CCDC18: variants seen among roughly 807,000 people sequenced by gnomAD.
The protein encoded by CCDC18 is coiled-coil domain-containing protein 18.
CCDC18 carries 157 observed loss-of-function variants against 196.0 expected under a neutral mutation model. The observed-to-expected ratio is 0.80, with a 90% confidence interval of 0.70 to 0.91. The LOEUF (loss-of-function observed/expected upper bound fraction) is 0.91. Among genes scored for constraint, CCDC18 ranks in the 40% least tolerant of loss-of-function variants. CCDC18 has a pLI of 0.00. For missense variants in CCDC18, 1,465 were observed against 1,611.6 expected (o/e 0.91, Z 1.56); for synonymous variants, 482 against 529.2 (o/e 0.91, Z 1.22).
rs529900348 is a variant in CCDC18 at position 93,269,114 on chromosome 1, A to G, written c.3886-1233A>G. Among the ~76,000 whole-genome samples, 12 of 152,274 alleles carry G rather than the reference A, an allele frequency of 7.9e-5. No homozygotes were observed. The East Asian group carries it at 1.5e-3, about 20-fold the overall frequency. On this transcript the variant is annotated intron_variant, in intron 27 of 28. Transcript: ENST00000690025. ...TGCAGCCATAAAAAAGGATGAGTTC[A>G]TGTCCTTTGTAGGGACATGGATAAA...
In CCDC18 at chr1:93,258,073, TAATTAAATTAATTAA is replaced by T. The variant is rs1426408403; in HGVS notation, c.3547-662_3547-648del. On this transcript the variant is annotated intron_variant, in intron 25 of 28. Transcript: ENST00000690025. ...TAAAAGACATTAATTAAAATTAAAA[TAATTAAATTAATTAA>T]AATTAAATTAATAAAAATTAATTAA... Among the ~76,000 whole-genome samples the T allele has an allele frequency of 6.7e-5, 10 of 150,058 alleles. No individual in the cohort carries two copies. The East Asian group carries it at 1.7e-3, about 26-fold the overall frequency.
At position 93,217,822 on chromosome 1, in the gene CCDC18, A is replaced by G. The variant is rs201970938; in HGVS notation, c.1915A>G (p.Lys639Glu). 69 of 1,612,842 alleles carry G rather than the reference A, an allele frequency of 4.3e-5. No homozygotes were observed. Among genetic ancestry groups the G allele is most frequent in the Non-Finnish European group, 1.5e-5 (18 of 1,178,956 alleles). ...KICLAFEKAK[K>E]IHLEQHKEME... ...TTGTTTAGCCTTTGAAAAAGCAAAG[A>G]AAATTCACTTGGAACAGCATAAAGA... Residue 639 changes from lysine (K) to glutamate (E), a missense_variant, in exon 14 of 29, where the codon AAA becomes GAA. Transcript: ENST00000690025.
chr1:93,253,466 C>T (rs927061790), intron 23 of CCDC18, among the ~76,000 whole-genome samples: 4 of 151,842 alleles, frequency 2.6e-5, no homozygotes, highest in Admixed American at 6.6e-5. Flanking sequence ...GCAAGAGAGT[C>T]GGGGCTGAGA....
intron 4 of CCDC18, among the ~76,000 whole-genome samples, chr1:93,189,103 C>T (rs1651257561): frequency 6.6e-6 from 1 of 152,034 alleles, no homozygotes; most frequent in Admixed American, 6.6e-5. Context: ...ATTAACCATC[C>T]CCACCTCTCC....
intron 23 of CCDC18, among the ~76,000 whole-genome samples, chr1:93,248,874 G>A (rs1241282260): frequency 6.7e-6 from 1 of 149,672 alleles, no homozygotes; most frequent in Non-Finnish European, 1.5e-5. Context: ...TAAGGAGGCT[G>A]AGGTGGAAGG....
At chr1:93,274,259 T>C in intron 28 of CCDC18, among the ~76,000 whole-genome samples, 1 of 151,848 alleles carries the variant, frequency 6.6e-6, no homozygotes, top group East Asian at 1.9e-4. Flanking sequence ...AAAAATTAGC[T>C]GGGCATGGTG....
chr1:93,232,874 GAC>G (rs1271475688), intron 18 of CCDC18, among the ~76,000 whole-genome samples: 1 of 152,148 alleles, frequency 6.6e-6, no homozygotes, highest in South Asian at 2.1e-4. Context: ...AGGAGGCTGA[GAC>G]ACAAGAATTG....
At chr1:93,211,194 C>T (rs1434948317) in intron 10 of CCDC18, among the ~76,000 whole-genome samples, 1 of 151,616 alleles carries the variant, frequency 6.6e-6, no homozygotes, top group Non-Finnish European at 1.5e-5. Flanking sequence ...AGGAGAATCA[C>T]TTGAACCCGG....
At chr1:93,221,472 A>T in intron 14 of CCDC18, 137 bp from the exon 15 acceptor site, 1 of 510,442 alleles carries the variant, frequency 2.0e-6, no homozygotes, top group Non-Finnish European at 3.2e-6. Context: ...TTCTTCCTTA[A>T]AAAGAGAGAA....
chr1:93,180,904 T>C (rs1649495373), intron 1 of CCDC18, 52 bp downstream of exon 1: 1 of 1,359,054 alleles, frequency 7.4e-7, no homozygotes, highest in Non-Finnish European at 9.8e-7. Context: ...CGCCTTGGCG[T>C]GGGGAAACCG....
Position 93,217,775 on chromosome 1 carries a change from T to C in CCDC18, c.1868T>C (p.Ile623Thr). 1 of 1,609,530 alleles carries C rather than the reference T, an allele frequency of 6.2e-7. No homozygotes were observed. Among genetic ancestry groups the C allele is most frequent in the East Asian group, 2.2e-5 (1 of 44,824 alleles). The change falls in exon 14 of 29, where the codon ATT becomes ACT. Residue 623 changes from isoleucine (I) to threonine (T), a missense_variant. Ile to Thr is a moderately conservative substitution (Grantham distance 89). Transcript: ENST00000690025. ...AAGATAAGGAGTCTAGAAACCAATA[T>C]TAATACAGAGCATGAGAAAATTTGT... ...NEKIRSLETNINTEHEKICLA... is the reference protein window; with the variant it reads ...NEKIRSLETNTNTEHEKICLA...
Position 93,235,810 on chromosome 1 carries a change from G to A in CCDC18, c.2461-438G>A, listed in dbSNP as rs1659998097. ...AAGGAGGAAGAATACCTCCTTTATT[G>A]TAGTAGAATAGAGGAAGAATGAATA... On this transcript the variant is annotated intron_variant, in intron 18 of 28. Coordinates refer to ENST00000690025, the MANE Select transcript of CCDC18 (RefSeq NM_001378204.1). Among the ~76,000 whole-genome samples the A allele has an allele frequency of 4.6e-5, 7 of 152,124 alleles. 1 individual carries two copies. The highest frequency in any genetic ancestry group is 3.9e-4 in the Admixed American group (6 of 15,280).
chr1:93,262,688 C>T lies in CCDC18; in HGVS notation c.3685-2013C>T, dbSNP rs116740742. On this transcript the variant is annotated intron_variant, in intron 26 of 28. Transcript: ENST00000690025. ...AGTGCCTGGGGCTTTTCCAAGTGCA[C>T]GGTGCAAGCTGTTGGTGGATCTACC... 5.5e-3 allele frequency among the ~76,000 whole-genome samples: 833 copies of T among 152,262 alleles called. 5 individuals are homozygous for T. Among genetic ancestry groups the T allele is most frequent in the Non-Finnish European group, 8.1e-3 (551 of 68,008 alleles).
chr1:93,220,768 T>C (rs958744906), intron 14 of CCDC18, among the ~76,000 whole-genome samples: 7 of 152,168 alleles, frequency 4.6e-5, no homozygotes, highest in Non-Finnish European at 8.8e-5. Context: ...TTCTTCCTGA[T>C]GCTCCCTCTC....
At chr1:93,221,477 A>C in intron 14 of CCDC18, 132 bp from the exon 15 acceptor site, 1 of 519,386 alleles carries the variant, frequency 1.9e-6, no homozygotes, top group East Asian at 3.5e-5. Context: ...CCTTAAAAAG[A>C]GAGAAGCTGA....
At chr1:93,183,245 A>T (rs1331746959) in intron 1 of CCDC18, 115 bp from the exon 2 acceptor site, 1 of 722,050 alleles carries the variant, frequency 1.4e-6, no homozygotes, top group East Asian at 2.8e-5. Flanking sequence ...ACCATGAAAG[A>T]TTTCACAACA....
Position 93,210,910 on chromosome 1 carries a change from G to A in CCDC18, c.1318G>A (p.Val440Met), listed in dbSNP as rs750546126. The A allele has an allele frequency of 3.1e-6, 5 of 1,613,608 alleles. No individual in the cohort carries two copies. The highest frequency in any genetic ancestry group is 1.3e-5 in the African/African-American group (1 of 74,864). The stretch of plus-strand genomic sequence containing the variant: ...TGGCTGCTGTGAGGCAAATAAATTG[G>A]TGATTTCGGAATTGAGGTACAATTT... ...CIGCCEANKL[V>M]ISELRIKLAI... Residue 440 changes from valine (V) to methionine (M), a missense_variant, in exon 10 of 29, where the codon GTG becomes ATG. Coordinates refer to ENST00000690025, the MANE Select transcript of CCDC18 (RefSeq NM_001378204.1).
At chr1:93,191,108 G>GAAACT in intron 4 of CCDC18, 1 of 548,508 alleles carries the variant, frequency 1.8e-6, no homozygotes, top group Non-Finnish European at 3.3e-6. Context: ...TTTTTTTGGA[G>GAAACT]CAATTGAGTT....
intron 11 of CCDC18, among the ~76,000 whole-genome samples, chr1:93,212,600 A>G (rs1432536237): frequency 6.6e-6 from 1 of 152,144 alleles, no homozygotes; most frequent in African/African-American, 2.4e-5. Context: ...TTTGGTTTCT[A>G]TTATCAAACA....
Sources: gnomAD v4.1 joint callset for allele counts (sites outside exome capture counted in the v4.1 genomes callset) on GRCh38, gnomAD v4.1.1 for gene constraint, MANE v1.5 for transcripts, NCBI Gene and HGNC (gene_info 2026-07-23, HGNC 2026-07-21) for gene names.